Variants in DIAPH3 observed in about 807,000 individuals in gnomAD.
DIAPH3 encodes diaphanous related formin 3, also known as protein diaphanous homolog 3.
A neutral mutation model predicts 144.3 loss-of-function variants in DIAPH3; 117 were observed. The observed-to-expected ratio is 0.81, with a 90% CI of 0.70 to 0.95. The LOEUF (loss-of-function observed/expected upper bound fraction) is 0.95. Among genes scored for constraint, DIAPH3 ranks in the 40% least tolerant of loss-of-function variants. The pLI is 0.00. For missense variants in DIAPH3, 1,421 were observed against 1,412.7 expected, an observed-to-expected ratio of 1.01 and a Z score of -0.09; for synonymous variants, 519 against 488.9, an observed-to-expected ratio of 1.06 and a Z score of -0.81.
intron 27 of DIAPH3, among the ~76,000 whole-genome samples, chr13:59,668,347 C>T (rs2032145974): frequency 6.6e-6 from 1 of 152,196 alleles, no homozygotes; most frequent in South Asian, 2.1e-4. Context: ...ACTGCTCCTT[C>T]CCCAAAATGT....
rs748866074 is a variant in DIAPH3, at chr13:59,666,629, T to G, written c.3537A>C (p.Ser1179=). Residue 1179 remains serine, a synonymous_variant, in exon 28 of 28, where the codon TCA becomes TCC. Coordinates refer to ENST00000400324, the MANE Select transcript of DIAPH3 (RefSeq NM_001042517.2). ...ELLGSFSKNE[S]VPEVEALLAR... Reference sequence around the variant, plus strand: ...CCAGCAGGGCTTCAACTTCGGGAACTGATTCATTTTTAGAAAAAGAGCCAA... The same window carrying G: ...CCAGCAGGGCTTCAACTTCGGGAACGGATTCATTTTTAGAAAAAGAGCCAA... 1.2e-6 allele frequency: 2 copies of G among 1,614,172 alleles called. No individual in the cohort carries two copies. Among genetic ancestry groups the G allele is most frequent in the Non-Finnish European group, 1.7e-6 (2 of 1,180,008 alleles).
intron 4 of DIAPH3, among the ~76,000 whole-genome samples, chr13:60,083,907 AGATGGATG>A (rs61418371): frequency 0.17 from 25,055 of 145,456 alleles, 2,666 homozygotes; most frequent in African/African-American, 0.29. Flanking sequence ...ATGGATGGAC[AGATGGATG>A]GATGGATGGA....
chr13:59,704,752 G>A (rs1434803795), intron 27 of DIAPH3, among the ~76,000 whole-genome samples: 1 of 152,206 alleles, frequency 6.6e-6, no homozygotes, highest in African/African-American at 2.4e-5. Flanking sequence ...CAGTCTAGAT[G>A]TGTAGTAGGC....
At chr13:59,666,903 C>A (rs1296322161) in intron 27 of DIAPH3, 57 bp from the exon 28 acceptor site, 1 of 1,589,690 alleles carries the variant, frequency 6.3e-7, no homozygotes, top group Non-Finnish European at 8.6e-7. Context: ...AAGGACTGTG[C>A]ACGTTATGAA....
chr13:59,845,738 C>T (rs960261026), intron 22 of DIAPH3, among the ~76,000 whole-genome samples: 6 of 152,202 alleles, frequency 3.9e-5, no homozygotes, highest in African/African-American at 1.4e-4. Context: ...AGCAAGTACA[C>T]AGGTAAAGTG....
intron 25 of DIAPH3, among the ~76,000 whole-genome samples, chr13:59,805,047 CTCTT>C (rs2040122544): frequency 1.3e-5 from 2 of 152,072 alleles, no homozygotes; most frequent in Non-Finnish European, 1.5e-5. Flanking sequence ...AGCTAATTAT[CTCTT>C]TATTTAATAG....
At chr13:59,761,388 CAG>C in intron 27 of DIAPH3, among the ~76,000 whole-genome samples, 1 of 152,128 alleles carries the variant, frequency 6.6e-6, no homozygotes, top group East Asian at 1.9e-4. Flanking sequence ...CATTATCTAC[CAG>C]AGTTTTACAC....
intron 27 of DIAPH3, among the ~76,000 whole-genome samples, chr13:59,730,224 G>A (rs139628877): frequency 8.7e-4 from 133 of 152,266 alleles, no homozygotes; most frequent in African/African-American, 3.0e-3. Context: ...TCTTCAGATA[G>A]GACACATTCT....
At chr13:60,148,191 G>A (rs1192739862) in intron 1 of DIAPH3, among the ~76,000 whole-genome samples, 2 of 152,314 alleles carry the variant, frequency 1.3e-5, no homozygotes, top group South Asian at 4.1e-4. Flanking sequence ...AATTCGAGTT[G>A]AGATACAGTG....
At chr13:60,029,993 C>G (rs1163425089) in intron 5 of DIAPH3, among the ~76,000 whole-genome samples, 1 of 152,138 alleles carries the variant, frequency 6.6e-6, no homozygotes, top group Non-Finnish European at 1.5e-5. Flanking sequence ...ATCCCTCTGC[C>G]ACACGGTTTT....
At chr13:60,022,293 C>T (rs995100506) in intron 5 of DIAPH3, among the ~76,000 whole-genome samples, 6 of 152,086 alleles carry the variant, frequency 3.9e-5, no homozygotes, top group Non-Finnish European at 5.9e-5. Flanking sequence ...GTAAAACAAG[C>T]GTCCTGAAAG....
At chr13:59,931,490 C>A (rs2048014930) in intron 17 of DIAPH3, among the ~76,000 whole-genome samples, 1 of 152,190 alleles carries the variant, frequency 6.6e-6, no homozygotes, top group African/African-American at 2.4e-5. Context: ...CTTCAAAGCA[C>A]TTACTCCTTA....
chr13:59,943,397 G>T (rs1332554219), intron 17 of DIAPH3, among the ~76,000 whole-genome samples: 1 of 152,178 alleles, frequency 6.6e-6, no homozygotes, highest in Non-Finnish European at 1.5e-5. Context: ...CCTGGGGAAG[G>T]ACGAACACAG....
chr13:60,141,769 G>A (rs372542042), intron 1 of DIAPH3, among the ~76,000 whole-genome samples: 124 of 152,266 alleles, frequency 8.1e-4, no homozygotes, highest in African/African-American at 2.6e-3. Context: ...AGCACAATAA[G>A]TAAATTACTT....
At chr13:59,914,073 C>T (rs1441310705) in intron 19 of DIAPH3, among the ~76,000 whole-genome samples, 1 of 151,566 alleles carries the variant, frequency 6.6e-6, no homozygotes, top group Non-Finnish European at 1.5e-5. Context: ...ATGTGACAAA[C>T]AAAGGTAAAT....
intron 1 of DIAPH3, among the ~76,000 whole-genome samples, chr13:60,158,723 C>T (rs1413560043): frequency 6.6e-6 from 1 of 151,878 alleles, no homozygotes; most frequent in Non-Finnish European, 1.5e-5. Flanking sequence ...CAAACTCAGG[C>T]AGGCAAGCAC....
chr13:59,875,544 A>G (rs755659728), intron 21 of DIAPH3, among the ~76,000 whole-genome samples: 1 of 152,122 alleles, frequency 6.6e-6, no homozygotes, highest in Non-Finnish European at 1.5e-5. Flanking sequence ...AAAAATCCTG[A>G]CGAAACTGAC....
At chr13:60,008,471 TA>T in intron 9 of DIAPH3, 72 bp downstream of exon 9, 1 of 941,156 alleles carries the variant, frequency 1.1e-6, no homozygotes, top group Non-Finnish European at 1.7e-6. Context: ...TGTTTTCATA[TA>T]AACCAATCAT....
chr13:59,997,575 G>T lies in DIAPH3; in HGVS notation c.1015-4992C>A, dbSNP rs143468057. 3.7e-3 allele frequency among the ~76,000 whole-genome samples: 564 copies of T among 152,066 alleles called. 2 individuals carry two copies. The highest frequency in any genetic ancestry group is 0.012 in the African/African-American group (499 of 41,494). On this transcript the variant is annotated intron_variant, in intron 9 of 27. Transcript: ENST00000400324. Reference sequence around the variant, plus strand: ...TGGGTGGATACTCGGTAATGAGACTGTTTTTTTCTAACCTTTGGTTCCCTG... The same window carrying T: ...TGGGTGGATACTCGGTAATGAGACTTTTTTTTTCTAACCTTTGGTTCCCTG...
Sources: gnomAD v4.1 joint callset for allele counts (sites outside exome capture counted in the v4.1 genomes callset) on GRCh38, gnomAD v4.1.1 for gene constraint, MANE v1.5 for transcripts, NCBI Gene and HGNC (gene_info 2026-07-23, HGNC 2026-07-21) for gene names.